CHST11: variants seen among roughly 807,000 people sequenced by gnomAD.
CHST11 encodes carbohydrate sulfotransferase 11.
Under a neutral mutation model 30.4 loss-of-function variants are expected in CHST11, and 9 were observed. The observed-to-expected ratio is 0.30, with a 90% confidence interval of 0.18 to 0.52. CHST11 has a LOEUF of 0.52. CHST11 is among the 20% of genes least tolerant of loss of function. The pLI is 0.97. For synonymous variants in CHST11, 152 were observed against 187.8 expected (o/e 0.81, Z 1.56); for missense variants, 348 against 460.6 (o/e 0.76, Z 2.24).
chr12:104,460,051 T>C (rs1039936660), intron 1 of CHST11, among the ~76,000 whole-genome samples: 11 of 152,244 alleles, frequency 7.2e-5, no homozygotes, highest in Non-Finnish European at 1.5e-4. Flanking sequence ...TTTATTAAGC[T>C]ACACTGTTAA....
At chr12:104,548,931 A>G (rs1409642592) in intron 1 of CHST11, among the ~76,000 whole-genome samples, 1 of 152,194 alleles carries the variant, frequency 6.6e-6, no homozygotes, top group East Asian at 1.9e-4. Context: ...TTATCATCAA[A>G]ATTCTAAAAT....
chr12:104,584,204 T>G (rs1234750820), intron 1 of CHST11, among the ~76,000 whole-genome samples: 3 of 152,014 alleles, frequency 2.0e-5, no homozygotes, highest in Non-Finnish European at 4.4e-5. Flanking sequence ...CTATACAATG[T>G]GAAAGAAAGT....
At chr12:104,528,693 A>C (rs1227931951) in intron 1 of CHST11, among the ~76,000 whole-genome samples, 1 of 152,210 alleles carries the variant, frequency 6.6e-6, no homozygotes, top group Admixed American at 6.5e-5. Context: ...TTTGGTGTTC[A>C]GATAGAGAGA....
chr12:104,502,549 C>A (rs926754265), intron 1 of CHST11, among the ~76,000 whole-genome samples: 1 of 152,128 alleles, frequency 6.6e-6, no homozygotes, highest in African/African-American at 2.4e-5. Context: ...TCTCCACTCC[C>A]TCTGAAATTA....
intron 2 of CHST11, among the ~76,000 whole-genome samples, chr12:104,679,506 G>A (rs750803986): frequency 5.3e-5 from 8 of 152,134 alleles, no homozygotes; most frequent in African/African-American, 1.4e-4. Flanking sequence ...CCTCCGCCCC[G>A]TGTGTGGTTT....
intron 2 of CHST11, among the ~76,000 whole-genome samples, chr12:104,615,076 T>C (rs763620231): frequency 2.0e-5 from 3 of 152,126 alleles, no homozygotes; most frequent in Non-Finnish European, 4.4e-5. Context: ...ACTTGACAGA[T>C]TGGGCCTGCC....
At chr12:104,536,501 T>C (rs927638835) in intron 1 of CHST11, among the ~76,000 whole-genome samples, 16 of 152,232 alleles carry the variant, frequency 1.1e-4, no homozygotes, top group African/African-American at 3.9e-4. Context: ...TGCATGCCTT[T>C]GCTTCATTGT....
chr12:104,754,339 C>T (rs962720900), intron 2 of CHST11, among the ~76,000 whole-genome samples: 2 of 152,188 alleles, frequency 1.3e-5, no homozygotes, highest in Admixed American at 1.3e-4. Flanking sequence ...TGATATGTCA[C>T]CTGCCACAGC....
chr12:104,606,472 C>G (rs1170446458), intron 2 of CHST11, among the ~76,000 whole-genome samples: 2 of 152,160 alleles, frequency 1.3e-5, no homozygotes, highest in Non-Finnish European at 2.9e-5. Context: ...GGAATCTTTA[C>G]AACAACCCGA....
intron 1 of CHST11, among the ~76,000 whole-genome samples, chr12:104,495,353 G>C (rs1255621720): frequency 6.6e-6 from 1 of 151,996 alleles, no homozygotes; most frequent in East Asian, 1.9e-4. Flanking sequence ...GGATTGCCAG[G>C]TTTTGTGGTA....
At chr12:104,627,759 G>A (rs2039229692) in intron 2 of CHST11, among the ~76,000 whole-genome samples, 1 of 151,064 alleles carries the variant, frequency 6.6e-6, no homozygotes. Context: ...TTTTCAAAGT[G>A]TCTTCTCAGC....
chr12:104,675,085 A>G (rs703671), intron 2 of CHST11, among the ~76,000 whole-genome samples: 31,618 of 152,028 alleles, frequency 0.21, 4,873 homozygotes, highest in African/African-American at 0.44. Flanking sequence ...TCAGTCTAGT[A>G]TAGGTGTCTC....
At chr12:104,741,240 G>C (rs1437568241) in intron 2 of CHST11, among the ~76,000 whole-genome samples, 1 of 152,178 alleles carries the variant, frequency 6.6e-6, no homozygotes, top group East Asian at 1.9e-4. Context: ...GGGGCCCCAG[G>C]CTTGGTGGTG....
At chr12:104,513,123 T>TGGTGG (rs1555229062) in intron 1 of CHST11, among the ~76,000 whole-genome samples, 24 of 3,380 alleles carry the variant, frequency 7.1e-3, no homozygotes, top group Admixed American at 0.01. Context: ...ATGTCATGAC[T>TGGTGG]GGGGGGGGGG....
At chr12:104,755,324 C>G (rs2040465864) in intron 2 of CHST11, among the ~76,000 whole-genome samples, 1 of 152,178 alleles carries the variant, frequency 6.6e-6, no homozygotes, top group Non-Finnish European at 1.5e-5. Flanking sequence ...GGCGGTGACT[C>G]TGGGGCTCCG....
At chr12:104,583,840 G>C (rs1456790849) in intron 1 of CHST11, among the ~76,000 whole-genome samples, 12 of 152,196 alleles carry the variant, frequency 7.9e-5, no homozygotes, top group African/African-American at 2.9e-4. Context: ...AGCCTTCTGA[G>C]TAGCTGGGAT....
chr12:104,547,164 G>A (rs1350719005), intron 1 of CHST11, among the ~76,000 whole-genome samples: 1 of 152,212 alleles, frequency 6.6e-6, no homozygotes, highest in East Asian at 1.9e-4. Context: ...GAGTAATTGA[G>A]ACAGGTACAA....
intron 1 of CHST11, among the ~76,000 whole-genome samples, chr12:104,457,794 T>G (rs1434898453): frequency 4.0e-5 from 6 of 148,752 alleles, no homozygotes; most frequent in East Asian, 1.9e-4. Context: ...AGTTTTTTTT[T>G]TTTTTTTTTT....
chr12:104,481,979 A>G (rs1449383837), intron 1 of CHST11, among the ~76,000 whole-genome samples: 1 of 151,460 alleles, frequency 6.6e-6, no homozygotes, highest in Admixed American at 6.6e-5. Context: ...CTGGGATTAC[A>G]GGAACCCGCC....
Sources: gnomAD v4.1 joint callset for allele counts (sites outside exome capture counted in the v4.1 genomes callset) on GRCh38, gnomAD v4.1.1 for gene constraint, MANE v1.5 for transcripts, NCBI Gene and HGNC (gene_info 2026-07-23, HGNC 2026-07-21) for gene names.